REPS1: variants seen among roughly 807,000 people sequenced by gnomAD.
REPS1 encodes ralBP1-associated Eps domain-containing protein 1.
In REPS1, 39 loss-of-function variants were observed where a neutral mutation model predicts 100.9. The observed-to-expected ratio is 0.39, with a 90% CI of 0.30 to 0.50. The LOEUF (loss-of-function observed/expected upper bound fraction) is 0.50. Ranked by LOEUF, REPS1 falls within the 20% of genes least tolerant of loss-of-function variation. The pLI is 0.86. For missense variants in REPS1, 821 were observed against 968.5 expected (o/e 0.85, Z 2.02); for synonymous variants, 324 against 340.3 (o/e 0.95, Z 0.53).
At chr6:138,946,145 G>A (rs1042692601) in intron 2 of REPS1, among the ~76,000 whole-genome samples, 3 of 152,124 alleles carry the variant, frequency 2.0e-5, no homozygotes, top group South Asian at 2.1e-4. Flanking sequence ...CTCACACCGG[G>A]TCTTTAAAGT....
At chr6:138,952,888 A>G (rs890205320) in intron 1 of REPS1, among the ~76,000 whole-genome samples, 1 of 150,244 alleles carries the variant, frequency 6.7e-6, no homozygotes, top group Non-Finnish European at 1.5e-5. Flanking sequence ...CCCAGGCTGG[A>G]GTGCAATGGC....
At chr6:138,953,384 CA>C (rs1211997490) in intron 1 of REPS1, among the ~76,000 whole-genome samples, 1 of 152,106 alleles carries the variant, frequency 6.6e-6, no homozygotes, top group Admixed American at 6.5e-5. Flanking sequence ...GCAAAGAAAG[CA>C]ATCAACAGAG....
chr6:138,918,093 TTG>T (rs372510753), intron 12 of REPS1, among the ~76,000 whole-genome samples: 23 of 150,194 alleles, frequency 1.5e-4, no homozygotes, highest in African/African-American at 2.7e-4. Context: ...GTGTGTATGT[TTG>T]TGTGTGTGTG....
chr6:138,914,302 G>C (rs557081442), intron 15 of REPS1, among the ~76,000 whole-genome samples: 1 of 152,096 alleles, frequency 6.6e-6, no homozygotes, highest in South Asian at 2.1e-4. Flanking sequence ...GGAACTCCTG[G>C]GCTTGAGAAA....
At position 138,934,378 on chromosome 6, in the gene REPS1, G is replaced by A. The variant is rs145620846; in HGVS notation, c.1136-4280C>T. On this transcript the variant is annotated intron_variant, in intron 8 of 19. Transcript: ENST00000450536. ...TTATTCGTTAAAGTTAACCCCAAAA[G>A]GGCTGTTACGCAAAAAGTATTTCCA... 34 of 468,636 alleles carry A rather than the reference G, an allele frequency of 7.3e-5. No individual in the cohort carries two copies. The East Asian group carries it at 2.3e-3, about 32-fold the overall frequency. 29.0% of individuals were successfully genotyped at this position (468,636 alleles called of 1,614,324 possible).
intron 5 of REPS1, 79 bp from the exon 6 acceptor site, chr6:138,944,094 T>C: frequency 7.3e-7 from 1 of 1,368,646 alleles, no homozygotes; most frequent in South Asian, 1.3e-5. Flanking sequence ...TTATTTATCT[T>C]TGAAAGTAAA....
chr6:138,958,691 T>C (rs1783552391), intron 1 of REPS1, among the ~76,000 whole-genome samples: 2 of 152,236 alleles, frequency 1.3e-5, no homozygotes, highest in Non-Finnish European at 2.9e-5. Context: ...TAGAATGTTT[T>C]TCTTTCACAT....
chr6:138,938,063 C>T (rs1408627980), intron 8 of REPS1, among the ~76,000 whole-genome samples: 1 of 151,522 alleles, frequency 6.6e-6, no homozygotes. Flanking sequence ...TTTAATTCAG[C>T]TTCAGAAAGC....
intron 1 of REPS1, among the ~76,000 whole-genome samples, chr6:138,984,096 T>G (rs1361804184): frequency 6.6e-6 from 1 of 150,716 alleles, no homozygotes; most frequent in Middle Eastern, 3.2e-3. Context: ...TTTTTTTTTT[T>G]TGAGACAGCG....
At chr6:138,951,113 G>GC (rs895451260) in intron 1 of REPS1, 4 of 152,068 alleles carry the variant, frequency 2.6e-5, no homozygotes, top group Admixed American at 6.6e-5. Context: ...CTTGAACCCG[G>GC]GGGGGCAGAG....
intron 1 of REPS1, among the ~76,000 whole-genome samples, chr6:138,985,869 G>A (rs914439308): frequency 6.6e-6 from 1 of 152,148 alleles, no homozygotes; most frequent in African/African-American, 2.4e-5. Flanking sequence ...AAGATTGAAA[G>A]TTTTATTTCA....
At chr6:138,941,716 G>A (rs753751366) in intron 7 of REPS1, among the ~76,000 whole-genome samples, 4 of 152,076 alleles carry the variant, frequency 2.6e-5, no homozygotes, top group Admixed American at 6.6e-5. Flanking sequence ...AAGCTTTCCT[G>A]TGTGTTTGAA....
At chr6:138,968,994 G>C (rs960565188) in intron 1 of REPS1, among the ~76,000 whole-genome samples, 5 of 152,124 alleles carry the variant, frequency 3.3e-5, no homozygotes, top group African/African-American at 9.7e-5. Context: ...CTGCTCTACT[G>C]CCTCTCCTTG....
chr6:138,987,097 C>G (rs368271033), intron 1 of REPS1, among the ~76,000 whole-genome samples: 2 of 152,182 alleles, frequency 1.3e-5, no homozygotes, highest in African/African-American at 4.8e-5. Context: ...ATAGAACTCA[C>G]TTTATCACGT....
At position 138,911,285 on chromosome 6, in the gene REPS1, A is replaced by G; in HGVS notation, c.2058T>C (p.Pro686=). 1 of 1,602,990 alleles carries G rather than the reference A, an allele frequency of 6.2e-7. No individual in the cohort carries two copies. Among genetic ancestry groups the G allele is most frequent in the Non-Finnish European group, 8.5e-7 (1 of 1,170,004 alleles). The change falls in exon 17 of 20, where the codon CCT becomes CCC. Residue 686 remains proline (P), a synonymous_variant. Coordinates refer to ENST00000450536, the MANE Select transcript of REPS1 (RefSeq NM_001286611.2). The part of the protein sequence containing the change: ...KTEEKTAASA[P]ANVSKGTTPL... Reference sequence around the variant, plus strand: ...AAGACATTTTGCATACCACATTGGCAGGAGCACTAGCAGCTGTCTTTTCTT... The same window carrying G: ...AAGACATTTTGCATACCACATTGGCGGGAGCACTAGCAGCTGTCTTTTCTT...
At chr6:138,933,904 A>G (rs990245790) in intron 8 of REPS1, among the ~76,000 whole-genome samples, 2 of 151,926 alleles carry the variant, frequency 1.3e-5, no homozygotes, top group African/African-American at 4.8e-5. Context: ...AAGATTTAAA[A>G]GTTTGTTCCA....
chr6:138,944,511 G>C lies in REPS1; in HGVS notation c.740C>G (p.Pro247Arg). 6.2e-7 allele frequency: 1 copy of C among 1,613,888 alleles called. No individual in the cohort carries two copies. Among genetic ancestry groups the C allele is most frequent in the Non-Finnish European group, 8.5e-7 (1 of 1,179,864 alleles). Residue 247 changes from proline (P) to arginine (R), a missense_variant, in exon 5 of 20, where the codon CCT (proline) becomes CGT (arginine). By Grantham distance (103) the Pro-to-Arg change is moderately radical (BLOSUM62 -2). Transcript: ENST00000450536. Reference protein sequence around the residue: ...PPTSTLLTMHPASVQDQTTVR... With the variant: ...PPTSTLLTMHRASVQDQTTVR... ...AAAATGTCACACCTGGACAGAAGCA[G>C]GATGCATGGTTAAAAGAGTACTGGT...
At position 138,912,788 on chromosome 6, in the gene REPS1, C is replaced by T. The variant is rs113586112; in HGVS notation, c.1948G>A (p.Glu650Lys). Reference protein sequence around the residue: ...NVNDEQDDEAEKHPEVLPAEK... With the variant: ...NVNDEQDDEAKKHPEVLPAEK... The stretch of plus-strand genomic sequence containing the variant: ...ACCGGCAGGACTTCTGGATGTTTCT[C>T]GGCTTCATCATCTTGTTCGTCGTTT... Residue 650 changes from glutamate (E) to lysine (K), a missense_variant, in exon 16 of 20, where the codon GAG (glutamate) becomes AAG (lysine). Around this residue, in one of 3 missense-constraint regions of REPS1, gnomAD observed 757 missense variants for 866.4 expected, o/e 0.87. Coordinates refer to ENST00000450536, the MANE Select transcript of REPS1 (RefSeq NM_001286611.2). The T allele has an allele frequency of 7.4e-6, 12 of 1,614,036 alleles. No individual in the cohort carries two copies. Among genetic ancestry groups the T allele is most frequent in the East Asian group, 2.2e-5 (1 of 44,888 alleles).
intron 15 of REPS1, 84 bp from the exon 16 acceptor site, chr6:138,913,034 T>C (rs1201485864): frequency 9.0e-6 from 10 of 1,106,700 alleles, no homozygotes; most frequent in South Asian, 3.3e-5. Context: ...TTCGAAAACT[T>C]AGTATATAAA....
Sources: allele counts gnomAD v4.1 joint callset (sites outside exome capture counted in the v4.1 genomes callset), GRCh38; gene constraint gnomAD v4.1.1; regional missense constraint gnomAD v4.1.1; transcripts MANE v1.5; gene names NCBI Gene and HGNC (gene_info 2026-07-23, HGNC 2026-07-21).